SLC10A7: variants seen among roughly 807,000 people sequenced by gnomAD.
SLC10A7 encodes the protein sodium/bile acid cotransporter 7.
A neutral mutation model predicts 43.2 loss-of-function variants in SLC10A7; 29 were observed. The ratio of observed to expected loss-of-function variants is 0.67; its 90% confidence interval spans 0.50 to 0.92. The LOEUF is 0.92. SLC10A7 is among the 40% of genes least tolerant of loss of function. SLC10A7 has a pLI of 0.00. For synonymous variants in SLC10A7, 152 were observed against 144.8 expected (o/e 1.05, Z -0.35); for missense variants, 295 against 403.2 (o/e 0.73, Z 2.30).
chr4:146,426,521 ATAAAT>A (rs1560896498), intron 5 of SLC10A7, among the ~76,000 whole-genome samples: 1 of 152,180 alleles, frequency 6.6e-6, no homozygotes, highest in African/African-American at 2.4e-5. Flanking sequence ...TCTACAAAAA[ATAAAT>A]TAAATAAGTA....
chr4:146,286,865 T>C (rs368502385), intron 9 of SLC10A7, among the ~76,000 whole-genome samples: 6 of 143,218 alleles, frequency 4.2e-5, no homozygotes, highest in African/African-American at 1.3e-4. Context: ...AGAAGGACTG[T>C]GTTTGGAATG....
chr4:146,416,565 AT>A (rs896408084), intron 5 of SLC10A7, among the ~76,000 whole-genome samples: 10 of 152,190 alleles, frequency 6.6e-5, no homozygotes, highest in Admixed American at 5.2e-4. Flanking sequence ...GAAGACAGGA[AT>A]CAAAAAAAAT....
chr4:146,357,321 G>A (rs1021772637), intron 5 of SLC10A7, among the ~76,000 whole-genome samples: 1 of 152,072 alleles, frequency 6.6e-6, no homozygotes, highest in South Asian at 2.1e-4. Context: ...TTTTGCACAC[G>A]GGAATGTGTG....
chr4:146,362,232 T>C (rs1212351155), intron 5 of SLC10A7, among the ~76,000 whole-genome samples: 1 of 151,838 alleles, frequency 6.6e-6, no homozygotes, highest in African/African-American at 2.4e-5. Flanking sequence ...AATATTAATA[T>C]CCAGGTAGAA....
rs76990737 is a variant in SLC10A7 at position 146,480,525 on chromosome 4, T to C, written c.396+23324A>G. ...TCCATTGTCATTAGCAGGCATCTCA[T>C]GAGCCAAGAATGCTCCTCAAGCTCT... On this transcript the variant is annotated intron_variant, in intron 4 of 11. Transcript: ENST00000335472. Among the ~76,000 whole-genome samples the C allele has an allele frequency of 1.2e-3, 188 of 152,274 alleles. 1 individual carries two copies. The South Asian group carries it at 0.024, about 19-fold the overall frequency.
intron 9 of SLC10A7, among the ~76,000 whole-genome samples, chr4:146,289,050 T>C (rs539962887): frequency 1.6e-4 from 25 of 152,330 alleles, no homozygotes; most frequent in African/African-American, 6.0e-4. Context: ...AGCCCACTAT[T>C]TTCAGAGGAG....
intron 4 of SLC10A7, among the ~76,000 whole-genome samples, chr4:146,486,681 G>C (rs139213061): frequency 6.6e-6 from 1 of 152,158 alleles, no homozygotes; most frequent in Non-Finnish European, 1.5e-5. Context: ...ACAAATTCAG[G>C]ACAGAAGTTC....
At chr4:146,391,351 T>C (rs1394594948) in intron 5 of SLC10A7, among the ~76,000 whole-genome samples, 1 of 152,150 alleles carries the variant, frequency 6.6e-6, no homozygotes, top group East Asian at 1.9e-4. Context: ...TCAATGTCTC[T>C]AAAAAGAGCA....
At chr4:146,503,816 C>T (rs745711289) in intron 4 of SLC10A7, 33 bp downstream of exon 4, 1 of 1,593,352 alleles carries the variant, frequency 6.3e-7, no homozygotes, top group Non-Finnish European at 8.6e-7. Context: ...ACAGCATGCA[C>T]TTATGTTTAA....
At chr4:146,313,940 C>T (rs1732152173) in intron 6 of SLC10A7, among the ~76,000 whole-genome samples, 1 of 152,030 alleles carries the variant, frequency 6.6e-6, no homozygotes, top group Admixed American at 6.6e-5. Flanking sequence ...TTCCTCTTAC[C>T]TATATTACTT....
chr4:146,434,419 T>C (rs1186759448), intron 5 of SLC10A7, among the ~76,000 whole-genome samples: 4 of 152,248 alleles, frequency 2.6e-5, no homozygotes, highest in African/African-American at 9.6e-5. Flanking sequence ...TGGTATCTGA[T>C]AAATTGCACT....
chr4:146,408,565 G>C (rs1490165302), intron 5 of SLC10A7: 2 of 152,086 alleles, frequency 1.3e-5, no homozygotes, highest in Non-Finnish European at 2.9e-5. Flanking sequence ...ATGGAGCAGA[G>C]AGATGGAAAG....
intron 5 of SLC10A7, chr4:146,442,186 C>T (rs1468506778): frequency 1.0e-6 from 1 of 969,042 alleles, no homozygotes; most frequent in Non-Finnish European, 1.2e-6. Context: ...AATGCTAAAA[C>T]AACGTCCTTA....
rs1402271082 is a variant in SLC10A7, at chr4:146,336,039, T to C, written c.436-10043A>G. Among the ~76,000 whole-genome samples the C allele has an allele frequency of 2.0e-5, 3 of 152,220 alleles. No homozygotes were observed. The South Asian group carries it at 6.2e-4, about 32-fold the overall frequency. On this transcript the variant is annotated intron_variant, in intron 5 of 11. Coordinates refer to ENST00000335472, the MANE Select transcript of SLC10A7 (RefSeq NM_001029998.6). ...ATCTTAGCAAGATCCCCAGGTAATT[T>C]GTAGGCATATTAAAATTTTAAAAAA... is the stretch of plus-strand genomic sequence containing the variant.
At chr4:146,268,771 T>C (rs1728717258) in intron 10 of SLC10A7, among the ~76,000 whole-genome samples, 1 of 152,162 alleles carries the variant, frequency 6.6e-6, no homozygotes, top group Non-Finnish European at 1.5e-5. Flanking sequence ...GGGGTGTGAA[T>C]ACAGACAGAC....
intron 5 of SLC10A7, among the ~76,000 whole-genome samples, chr4:146,337,452 A>G (rs1353758926): frequency 6.6e-6 from 1 of 152,012 alleles, no homozygotes; most frequent in African/African-American, 2.4e-5. Flanking sequence ...TAAAATGTCA[A>G]GAGGATCATT....
intron 4 of SLC10A7, among the ~76,000 whole-genome samples, chr4:146,502,867 T>C (rs1235463300): frequency 6.6e-6 from 1 of 151,782 alleles, no homozygotes; most frequent in African/African-American, 2.4e-5. Flanking sequence ...GGAAGAGGGG[T>C]GTTGAGAAGG....
rs1031523638 is a variant in SLC10A7 at position 146,258,088 on chromosome 4, G to C, written c.993+604C>G. On this transcript the variant is annotated intron_variant, in intron 11 of 11. Coordinates refer to ENST00000335472, the MANE Select transcript of SLC10A7 (RefSeq NM_001029998.6). ...CATCTAAACTTCTTGTGAATCACCT[G>C]GTTTACTTATTTTGTTGATAATTTA... Among the ~76,000 whole-genome samples, 3 of 152,064 alleles carry C rather than the reference G, an allele frequency of 2.0e-5. 1 individual carries two copies. The South Asian group carries it at 6.2e-4, about 31-fold the overall frequency.
At chr4:146,410,697 A>G (rs1728126616) in intron 5 of SLC10A7, among the ~76,000 whole-genome samples, 1 of 152,196 alleles carries the variant, frequency 6.6e-6, no homozygotes, top group Non-Finnish European at 1.5e-5. Flanking sequence ...TTGTCCTAAG[A>G]GCCAAAAGAA....
Sources: allele counts gnomAD v4.1 joint callset (sites outside exome capture counted in the v4.1 genomes callset), GRCh38; gene constraint gnomAD v4.1.1; transcripts MANE v1.5; gene names NCBI Gene and HGNC (gene_info 2026-07-23, HGNC 2026-07-21).